The following GNAL variants were observed in gnomAD, a reference collection of about 807,000 sequenced individuals.
GNAL encodes G protein subunit alpha L.
GNAL carries 18 observed loss-of-function variants against 55.1 expected under a neutral mutation model. That is an observed-to-expected ratio of 0.33 (90% CI 0.23 to 0.48). The LOEUF is 0.48. Ranked by LOEUF, GNAL falls within the 20% of genes least tolerant of loss-of-function variation. The probability of loss-of-function intolerance (pLI) is 0.99; values close to 1 mark genes in which losing one functional copy is unlikely to be tolerated. For synonymous variants in GNAL, 253 were observed against 237.0 expected, an observed-to-expected ratio of 1.07 and a Z score of -0.62; for missense variants, 412 against 614.1, an observed-to-expected ratio of 0.67 and a Z score of 3.48.
intron 1 of GNAL, among the ~76,000 whole-genome samples, chr18:11,735,806 AAAGG>A (rs368504075): frequency 0.014 from 2,165 of 149,730 alleles, 27 homozygotes; most frequent in African/African-American, 0.018. Flanking sequence ...GGAAGGAAGG[AAAGG>A]AAGGAAGGAA....
intron 1 of GNAL, among the ~76,000 whole-genome samples, chr18:11,720,323 C>T (rs1207706313): frequency 1.3e-5 from 2 of 152,110 alleles, no homozygotes; most frequent in African/African-American, 2.4e-5. Context: ...TAATTGTGTA[C>T]AATTTTTTGT....
At position 11,864,086 on chromosome 18, in the gene GNAL, C is replaced by CTTTTT. The variant is rs3981355; in HGVS notation, c.778-432_778-428dup. 1.4e-4 allele frequency among the ~76,000 whole-genome samples: 18 copies of CTTTTT among 129,056 alleles called. 1 individual carries two copies. The highest frequency in any genetic ancestry group is 4.5e-4 in the African/African-American group (15 of 33,390). The allele number at this position is 129,056 out of a possible 152,430, so 84.7% of individuals were successfully genotyped here. A position where few individuals can be genotyped will look rare whatever the true frequency, so the allele number is the denominator to read the frequency against. ...AAAACAGAGAACATTCGTCTGAGTT[C>CTTTTT]TTTTTTTTTTTTTTTTTTTGAGACG... On this transcript the variant is annotated intron_variant, in intron 6 of 11. Coordinates refer to ENST00000334049, the MANE Select transcript of GNAL (RefSeq NM_182978.4).
At chr18:11,817,832 G>A (rs1413477175) in intron 4 of GNAL, among the ~76,000 whole-genome samples, 4 of 151,520 alleles carry the variant, frequency 2.6e-5, no homozygotes, top group Non-Finnish European at 4.4e-5. Context: ...CTGGTGATCC[G>A]CCCGCCTCAG....
chr18:11,847,543 A>G (rs1222274582), intron 5 of GNAL, among the ~76,000 whole-genome samples: 1 of 152,196 alleles, frequency 6.6e-6, no homozygotes, highest in Non-Finnish European at 1.5e-5. Context: ...GTGCCAAATG[A>G]TAGCATATTT....
chr18:11,873,237 T>A (rs2036439365), intron 10 of GNAL, among the ~76,000 whole-genome samples: 1 of 152,266 alleles, frequency 6.6e-6, no homozygotes, highest in Non-Finnish European at 1.5e-5. Context: ...TTGGAAAATT[T>A]ATTTTTTATC....
intron 4 of GNAL, among the ~76,000 whole-genome samples, chr18:11,797,958 A>G (rs2034433574): frequency 6.6e-6 from 1 of 152,242 alleles, no homozygotes; most frequent in Admixed American, 6.5e-5. Context: ...AATTAACCAG[A>G]CAGTGCTGTT....
At chr18:11,880,230 C>G (rs1022062599) in intron 11 of GNAL, among the ~76,000 whole-genome samples, 1 of 151,060 alleles carries the variant, frequency 6.6e-6, no homozygotes, top group African/African-American at 2.4e-5. Context: ...GCACTCCAGC[C>G]TGGGGGACAC....
At chr18:11,878,970 T>G (rs593091) in intron 11 of GNAL, among the ~76,000 whole-genome samples, 120,180 of 140,244 alleles carry the variant, frequency 0.86, 51,379 homozygotes, top group African/African-American at 0.92. Flanking sequence ...GTTGGAGGAG[T>G]GGGGAGGGAT....
intron 4 of GNAL, among the ~76,000 whole-genome samples, chr18:11,809,130 C>T (rs1027140323): frequency 2.6e-5 from 4 of 152,206 alleles, no homozygotes; most frequent in Middle Eastern, 3.4e-3. Flanking sequence ...TTGTGGCATG[C>T]ACCTGCAATT....
At chr18:11,858,875 C>T (rs60821058) in intron 5 of GNAL, among the ~76,000 whole-genome samples, 19,696 of 152,044 alleles carry the variant, frequency 0.13, 1,554 homozygotes, top group East Asian at 0.38. Context: ...TGGAGGTTGG[C>T]GACAGGAGAA....
chr18:11,857,712 T>C, intron 5 of GNAL: 1 of 985,412 alleles, frequency 1.0e-6, no homozygotes, highest in Non-Finnish European at 1.2e-6. Flanking sequence ...GCTGCGAGTC[T>C]GGGAACCCCT....
At chr18:11,824,892 T>A in intron 4 of GNAL, 26 bp from the exon 5 acceptor site, 1 of 1,312,688 alleles carries the variant, frequency 7.6e-7, no homozygotes, top group Non-Finnish European at 1.1e-6. Flanking sequence ...TTTTTTTTTT[T>A]AATTTGTAAC....
intron 5 of GNAL, chr18:11,854,336 A>G (rs552437814): frequency 6.0e-6 from 1 of 167,058 alleles, no homozygotes. Context: ...TGAGTCATAA[A>G]TATTATTTTC....
chr18:11,715,885 GAA>G (rs958993006), intron 1 of GNAL, among the ~76,000 whole-genome samples: 5 of 142,118 alleles, frequency 3.5e-5, no homozygotes, highest in African/African-American at 1.3e-4. Flanking sequence ...ATGAACATAT[GAA>G]AAAAAAAAAG....
chr18:11,766,615 T>A (rs1843608992), intron 4 of GNAL, among the ~76,000 whole-genome samples: 1 of 152,202 alleles, frequency 6.6e-6, no homozygotes, highest in South Asian at 2.1e-4. Context: ...AATGTTACCG[T>A]AGTTAATCTT....
chr18:11,853,028 C>G (rs1379058218), intron 5 of GNAL: 1 of 167,062 alleles, frequency 6.0e-6, no homozygotes, highest in Non-Finnish European at 1.5e-5. Flanking sequence ...TGCCAAAGAA[C>G]TGTTGATTTC....
intron 1 of GNAL, among the ~76,000 whole-genome samples, chr18:11,713,050 A>C (rs2031874443): frequency 6.6e-6 from 1 of 152,272 alleles, no homozygotes; most frequent in African/African-American, 2.4e-5. Context: ...TGAAATGCTG[A>C]TATGTTTAAT....
rs1257218657 is a variant in GNAL, at chr18:11,820,360, A to G, written c.625-4558A>G. Among the ~76,000 whole-genome samples, 6 of 152,320 alleles carry G rather than the reference A, an allele frequency of 3.9e-5. No individual in the cohort carries two copies. In the South Asian group the frequency reaches 1.2e-3, roughly 32 times the overall value. ...CTGAACAAATGTTTAATTATACCTT[A>G]AGAAGCTTCACTGGCTGGCTAAATA... On this transcript the variant is annotated intron_variant, in intron 4 of 11. Coordinates refer to ENST00000334049, the MANE Select transcript of GNAL (RefSeq NM_182978.4).
intron 5 of GNAL, among the ~76,000 whole-genome samples, chr18:11,854,618 C>T (rs926091887): frequency 3.9e-5 from 6 of 152,056 alleles, no homozygotes; most frequent in Admixed American, 3.9e-4. Flanking sequence ...CCCGCCTCTA[C>T]TAAAAATATG....
Sources: allele counts gnomAD v4.1 joint callset (sites outside exome capture counted in the v4.1 genomes callset), GRCh38; gene constraint gnomAD v4.1.1; transcripts MANE v1.5; gene names NCBI Gene and HGNC (gene_info 2026-07-23, HGNC 2026-07-21).